Variants in GSG1L observed in about 807,000 individuals in gnomAD.
The protein encoded by GSG1L is GSG1 like.
A neutral mutation model predicts 42.1 loss-of-function variants in GSG1L; 24 were observed. That is an observed-to-expected ratio of 0.57 (90% CI 0.41 to 0.80). GSG1L has a LOEUF of 0.80. Among genes scored for constraint, GSG1L ranks in the 30% least tolerant of loss-of-function variants. The pLI is 0.00. For synonymous variants in GSG1L, 215 were observed against 203.5 expected (o/e 1.06, Z -0.48); for missense variants, 445 against 472.2 (o/e 0.94, Z 0.53).
At chr16:27,935,279 C>T (rs2084701413) in intron 2 of GSG1L, among the ~76,000 whole-genome samples, 1 of 152,078 alleles carries the variant, frequency 6.6e-6, no homozygotes, top group Admixed American at 6.6e-5. Flanking sequence ...CTGAGAGCTG[C>T]CACAGCCCGG....
intron 2 of GSG1L, among the ~76,000 whole-genome samples, chr16:27,906,505 T>A (rs899854610): frequency 1.3e-5 from 2 of 152,138 alleles, no homozygotes; most frequent in African/African-American, 4.8e-5. Context: ...GGTGTTGAGA[T>A]GTTAGTGTGT....
chr16:27,795,254 C>G (rs2082805545), intron 6 of GSG1L, among the ~76,000 whole-genome samples: 1 of 152,052 alleles, frequency 6.6e-6, no homozygotes, highest in South Asian at 2.1e-4. Context: ...TGGGATGCAC[C>G]TGCTCTACCT....
intron 6 of GSG1L, among the ~76,000 whole-genome samples, chr16:27,793,500 T>TTA (rs397736795): frequency 2.6e-5 from 4 of 151,898 alleles, no homozygotes; most frequent in African/African-American, 7.3e-5. Flanking sequence ...TTTGTTTTTT[T>TTA]AATCTAGAAG....
At chr16:28,018,038 T>A (rs1237457311) in intron 1 of GSG1L, among the ~76,000 whole-genome samples, 1 of 152,212 alleles carries the variant, frequency 6.6e-6, no homozygotes, top group Non-Finnish European at 1.5e-5. Context: ...TTCACTTTTT[T>A]AATTTAGAGA....
intron 1 of GSG1L, among the ~76,000 whole-genome samples, chr16:28,051,704 T>C (rs571337323): frequency 1.2e-4 from 19 of 152,142 alleles, no homozygotes; most frequent in Non-Finnish European, 2.4e-4. Flanking sequence ...CCTGGAGGTG[T>C]GTGTGCAAGA....
chr16:27,884,651 G>A lies in GSG1L; in HGVS notation c.398-13C>T. 6.4e-7 allele frequency: 1 copy of A among 1,566,156 alleles called. No individual in the cohort carries two copies. Among genetic ancestry groups the A allele is most frequent in the Non-Finnish European group, 8.7e-7 (1 of 1,155,144 alleles). ...AGCCACAGGACCCCTGTCCAACAGA[G>A]GCAGAGAGGCCGTGAGATGAGGGGC... On this transcript the variant is annotated splice_polypyrimidine_tract_variant and intron_variant, in intron 2 of 6. Transcript: ENST00000447459. The surrounding 1 kb of genome is among the most constrained non-coding windows in gnomAD (Gnocchi z 4.4).
intron 1 of GSG1L, among the ~76,000 whole-genome samples, chr16:28,051,568 A>T (rs2086223003): frequency 6.6e-6 from 1 of 151,474 alleles, no homozygotes; most frequent in African/African-American, 2.4e-5. Context: ...CTGCGACTTT[A>T]AATAGGGTGG....
At chr16:28,018,833 T>C (rs893768078) in intron 1 of GSG1L, among the ~76,000 whole-genome samples, 9 of 152,124 alleles carry the variant, frequency 5.9e-5, no homozygotes, top group Admixed American at 2.6e-4. Flanking sequence ...GTTTTCTCCA[T>C]AGAGGCTTGA....
chr16:28,024,152 TC>T (rs1423721719), intron 1 of GSG1L, among the ~76,000 whole-genome samples: 2 of 152,186 alleles, frequency 1.3e-5, no homozygotes, highest in Non-Finnish European at 2.9e-5. Context: ...CACCACGTGC[TC>T]CTGAGATGGG....
At chr16:28,055,069 G>A (rs1015029404) in intron 1 of GSG1L, among the ~76,000 whole-genome samples, 4 of 152,200 alleles carry the variant, frequency 2.6e-5, no homozygotes, top group Non-Finnish European at 5.9e-5. Flanking sequence ...GGACCCGAGG[G>A]AAGGTCCAGC....
intron 5 of GSG1L, among the ~76,000 whole-genome samples, chr16:27,824,255 G>C (rs2083182456): frequency 6.6e-6 from 1 of 152,176 alleles, no homozygotes; most frequent in Admixed American, 6.5e-5. Flanking sequence ...CTCCCATCCT[G>C]GGTCACAGGA....
At chr16:27,791,578 T>C in intron 6 of GSG1L, 111 bp from the exon 7 acceptor site, 1 of 609,610 alleles carries the variant, frequency 1.6e-6, no homozygotes, top group Non-Finnish European at 2.5e-6. Flanking sequence ...TTACTAGGCC[T>C]TCTGCCCATC....
At chr16:27,801,803 G>A (rs1005952484) in intron 6 of GSG1L, among the ~76,000 whole-genome samples, 3 of 152,186 alleles carry the variant, frequency 2.0e-5, no homozygotes, top group Admixed American at 6.5e-5. Context: ...CTTTCTAGCT[G>A]TGTATTGAGT....
chr16:27,875,638 G>A (rs772774206), intron 3 of GSG1L, among the ~76,000 whole-genome samples: 65 of 152,234 alleles, frequency 4.3e-4, no homozygotes, highest in Middle Eastern at 3.4e-3. Context: ...AATCCTGCTT[G>A]GTCCATGACT....
At chr16:27,803,804 G>GATAGATAGATAGAT (rs1555500734) in intron 6 of GSG1L, among the ~76,000 whole-genome samples, 10 of 122,464 alleles carry the variant, frequency 8.2e-5, no homozygotes, top group African/African-American at 2.8e-4. Context: ...TAGATAGATA[G>GATAGATAGATAGAT]ATATAGATAT....
chr16:28,007,390 A>G (rs1452932473), intron 1 of GSG1L, among the ~76,000 whole-genome samples: 1 of 152,156 alleles, frequency 6.6e-6, no homozygotes, highest in Non-Finnish European at 1.5e-5. Flanking sequence ...CTCCTCCCTG[A>G]AGCCCCCAGG....
intron 5 of GSG1L, among the ~76,000 whole-genome samples, chr16:27,816,790 G>A (rs967824020): frequency 2.6e-5 from 4 of 152,112 alleles, no homozygotes; most frequent in Admixed American, 2.6e-4. Flanking sequence ...TGGGTTTATG[G>A]TCCCTGGAGC....
chr16:27,948,743 G>A (rs777080761), intron 2 of GSG1L, among the ~76,000 whole-genome samples: 7 of 151,088 alleles, frequency 4.6e-5, no homozygotes, highest in Non-Finnish European at 1.0e-4. Context: ...CCGAGTAGCT[G>A]GGACTACAGG....
chr16:27,955,702 T>C (rs1048506841), intron 2 of GSG1L, among the ~76,000 whole-genome samples: 1 of 152,106 alleles, frequency 6.6e-6, no homozygotes, highest in Middle Eastern at 3.2e-3. Flanking sequence ...GGAGGATATT[T>C]TTCCCCAAAA....
Sources: gnomAD v4.1 joint callset for allele counts (sites outside exome capture counted in the v4.1 genomes callset) on GRCh38, gnomAD v4.1.1 for gene constraint, Gnocchi (gnomAD v3.1) non-coding constraint, MANE v1.5 for transcripts, NCBI Gene and HGNC (gene_info 2026-07-23, HGNC 2026-07-21) for gene names.